The following MRPS5 variants were observed in gnomAD, a reference collection of about 807,000 sequenced individuals.
The protein encoded by MRPS5 is small ribosomal subunit protein uS5m.
MRPS5 carries 27 observed loss-of-function variants against 51.9 expected under a neutral mutation model. The observed-to-expected ratio is 0.52, with a 90% CI of 0.38 to 0.72. MRPS5 has a LOEUF of 0.72. Ranked by LOEUF, MRPS5 falls within the 30% of genes least tolerant of loss-of-function variation. The pLI is 0.00. For synonymous variants in MRPS5, 196 were observed against 193.2 expected (o/e 1.01, Z -0.12); for missense variants, 570 against 545.7 (o/e 1.04, Z -0.44).
intron 4 of MRPS5, among the ~76,000 whole-genome samples, chr2:95,108,950 T>C (rs1222296483): frequency 6.6e-6 from 1 of 152,048 alleles, no homozygotes; most frequent in Non-Finnish European, 1.5e-5. Flanking sequence ...ATAATACCTT[T>C]TGTATTCATC....
Position 95,100,547 on chromosome 2 carries a change from A to G in MRPS5, c.869-11T>C, listed in dbSNP as rs1318921864. 1 of 1,589,624 alleles carries G rather than the reference A, an allele frequency of 6.3e-7. No homozygotes were observed. The highest frequency in any genetic ancestry group is 2.2e-5 in the East Asian group (1 of 44,740). On this transcript the variant is annotated splice_polypyrimidine_tract_variant and intron_variant, in intron 9 of 11. Coordinates refer to ENST00000272418, the MANE Select transcript of MRPS5 (RefSeq NM_031902.5). ...AAATATCATGGAATACTGGAGGGTA[A>G]AAACATAAACACAAGAGGATTAGGT...
chr2:95,094,798 G>A (rs1013473469), intron 10 of MRPS5, among the ~76,000 whole-genome samples: 3 of 152,166 alleles, frequency 2.0e-5, no homozygotes, highest in East Asian at 1.9e-4. Flanking sequence ...AAAGACCATC[G>A]ATGCTAGGAA....
Position 95,087,371 on chromosome 2 carries a change from T to C in MRPS5, c.1279A>G (p.Arg427Gly). Reference sequence around the variant, plus strand: ...GGCCAGAGAGGTTACGTGGCGGCTCTCTTCAAATTAGACCACACAGAGCGC... The same window carrying C: ...GGCCAGAGAGGTTACGTGGCGGCTCCCTTCAAATTAGACCACACAGAGCGC... ...MKRSVWSNLK[R>G]AAT Residue 427 changes from arginine (R) to glycine (G), a missense_variant, in exon 12 of 12, where the codon AGA becomes GGA. Arg to Gly is a moderately radical substitution (Grantham distance 125). Coordinates refer to ENST00000272418, the MANE Select transcript of MRPS5 (RefSeq NM_031902.5). The C allele has an allele frequency of 6.2e-7, 1 of 1,614,154 alleles. No homozygotes were observed. The highest frequency in any genetic ancestry group is 8.5e-7 in the Non-Finnish European group (1 of 1,180,010).
At chr2:95,105,702 T>C (rs1675929429) in intron 6 of MRPS5, among the ~76,000 whole-genome samples, 1 of 152,188 alleles carries the variant, frequency 6.6e-6, no homozygotes. Context: ...ATCACCCACA[T>C]ATATACAAAT....
upstream of MRPS5, chr2:95,121,881 G>A (rs900004443): frequency 2.2e-5 from 31 of 1,392,748 alleles, no homozygotes; most frequent in African/African-American, 4.5e-5. Context: ...GCAAGCCTTG[G>A]GCCGCAGCGG....
intron 10 of MRPS5, chr2:95,091,415 C>T (rs1431249935): frequency 6.6e-6 from 1 of 152,610 alleles, no homozygotes; most frequent in Non-Finnish European, 1.5e-5. Flanking sequence ...CTTCCTCCCT[C>T]CTACTCTAAC....
chr2:95,095,957 C>T (rs1421082595), intron 10 of MRPS5, among the ~76,000 whole-genome samples: 1 of 152,112 alleles, frequency 6.6e-6, no homozygotes, highest in East Asian at 1.9e-4. Context: ...TGATAGACTG[C>T]TAGCAAGACT....
intron 7 of MRPS5, among the ~76,000 whole-genome samples, chr2:95,103,069 C>T (rs1169235354): frequency 6.6e-6 from 1 of 152,148 alleles, no homozygotes; most frequent in Admixed American, 6.5e-5. Context: ...TTACAATCTT[C>T]AAATGAGGCT....
chr2:95,111,714 T>C (rs576964583), intron 3 of MRPS5, among the ~76,000 whole-genome samples: 1 of 152,334 alleles, frequency 6.6e-6, no homozygotes, highest in South Asian at 2.1e-4. Context: ...CATTGTTAGA[T>C]AAGAATGTAT....
chr2:95,114,288 C>T (rs1193236195), intron 3 of MRPS5, among the ~76,000 whole-genome samples: 5 of 149,918 alleles, frequency 3.3e-5, no homozygotes, highest in African/African-American at 7.4e-5. Flanking sequence ...GATGGAGTCT[C>T]GCTCTGTGGC....
Position 95,109,948 on chromosome 2 carries a change from TTTCTTTTC to T in MRPS5, c.363_370del (p.Lys122GlyfsTer10). 1 of 1,613,808 alleles carries T rather than the reference TTTCTTTTC, an allele frequency of 6.2e-7. No homozygotes were observed. The highest frequency in any genetic ancestry group is 1.1e-5 in the South Asian group (1 of 91,066). On this transcript the variant is annotated frameshift_variant, in exon 4 of 12. Transcript: ENST00000272418. LOFTEE classifies it high-confidence loss of function. The stretch of plus-strand genomic sequence containing the variant: ...AATGATCTGACCCCTGTTCAGATCC[TTTCTTTTC>T]TTCTTTTTAGTTCTTTTGCCTCTTC...
chr2:95,121,835 T>G, upstream of MRPS5: 9 of 1,503,570 alleles, frequency 6.0e-6, no homozygotes, highest in Non-Finnish European at 7.9e-6. Flanking sequence ...AGGGCAGCCT[T>G]GCCCACCGCC....
At chr2:95,121,548 G>A (rs1467181319) in intron 1 of MRPS5, among the ~76,000 whole-genome samples, 186 bp downstream of exon 1, 10 of 152,218 alleles carry the variant, frequency 6.6e-5, no homozygotes, top group Admixed American at 6.5e-4. Context: ...CAAGAGCTCC[G>A]CGACCCAGAG....
Position 95,086,439 on chromosome 2 carries a change from A to G in MRPS5, c.*918T>C, listed in dbSNP as rs1292976587. The stretch of plus-strand genomic sequence containing the variant: ...GGTTCAAGAGCAGAATGGAAAGGAA[A>G]GAGTAAATAACCAGTTATTCTGAAG... On this transcript the variant is annotated 3_prime_UTR_variant, in exon 12 of 12. Transcript: ENST00000272418. 6.6e-6 allele frequency among the ~76,000 whole-genome samples: 1 copy of G among 152,246 alleles called. No individual in the cohort carries two copies. The highest frequency in any genetic ancestry group is 2.1e-4 in the South Asian group (1 of 4,826).
At chr2:95,105,499 G>A (rs1336862387) in intron 6 of MRPS5, among the ~76,000 whole-genome samples, 1 of 150,728 alleles carries the variant, frequency 6.6e-6, no homozygotes, top group Non-Finnish European at 1.5e-5. Context: ...GCAGTGAGCC[G>A]ATACCACTGT....
At chr2:95,115,342 C>A in intron 2 of MRPS5, 139 bp from the exon 3 acceptor site, 1 of 860,702 alleles carries the variant, frequency 1.2e-6, no homozygotes, top group Non-Finnish European at 1.7e-6. Context: ...AGGAGTCTTT[C>A]TTTTAAAAAT....
chr2:95,098,630 T>G (rs1675699297), intron 10 of MRPS5, among the ~76,000 whole-genome samples: 1 of 152,038 alleles, frequency 6.6e-6, no homozygotes, highest in African/African-American at 2.4e-5. Flanking sequence ...AGGTGGGAAC[T>G]GAACAATGAG....
intron 4 of MRPS5, among the ~76,000 whole-genome samples, chr2:95,109,382 G>A (rs530407684): frequency 1.3e-5 from 2 of 152,304 alleles, no homozygotes; most frequent in South Asian, 4.1e-4. Context: ...CCAAAAGCAT[G>A]AGTATAAACA....
At chr2:95,118,686 C>G (rs1676359427) in intron 1 of MRPS5, among the ~76,000 whole-genome samples, 1 of 152,204 alleles carries the variant, frequency 6.6e-6, no homozygotes, top group Non-Finnish European at 1.5e-5. Flanking sequence ...CCAGAACAGG[C>G]TCTGACACAG....
Sources: allele counts gnomAD v4.1 joint callset (sites outside exome capture counted in the v4.1 genomes callset), GRCh38; gene constraint gnomAD v4.1.1; transcripts MANE v1.5; gene names NCBI Gene and HGNC (gene_info 2026-07-23, HGNC 2026-07-21).